Variants in VPS53 observed in about 807,000 individuals in gnomAD.
The protein encoded by VPS53 is vacuolar protein sorting-associated protein 53 homolog.
Under a neutral mutation model 107.0 loss-of-function variants are expected in VPS53, and 70 were observed. The ratio of observed to expected loss-of-function variants is 0.65; its 90% CI spans 0.54 to 0.80. The LOEUF is 0.80. VPS53 is among the 30% of genes least tolerant of loss of function. The pLI is 0.00. For synonymous variants in VPS53, 409 were observed against 393.3 expected (o/e 1.04, Z -0.47); for missense variants, 917 against 1,049.4 (o/e 0.87, Z 1.74).
intron 12 of VPS53, among the ~76,000 whole-genome samples, chr17:588,072 C>G (rs1351358127): frequency 6.6e-6 from 1 of 152,226 alleles, no homozygotes; most frequent in Non-Finnish European, 1.5e-5. Context: ...AATCCCAGCA[C>G]TTTGGGAGGC....
intron 19 of VPS53, among the ~76,000 whole-genome samples, chr17:525,166 A>G (rs1052047854): frequency 6.6e-5 from 10 of 152,264 alleles, no homozygotes; most frequent in Non-Finnish European, 1.5e-5. Flanking sequence ...TTGGGCAAAA[A>G]AAAGCAAGTG....
intron 15 of VPS53, among the ~76,000 whole-genome samples, chr17:555,404 G>A (rs1212231080): frequency 3.9e-5 from 6 of 152,168 alleles, no homozygotes; most frequent in South Asian, 2.1e-4. Context: ...GCCACATGTT[G>A]GCCATGCTGG....
At position 537,517 on chromosome 17, in the gene VPS53, C is replaced by G. The variant is rs537718481; in HGVS notation, c.1867-341G>C. 19 of 193,260 alleles carry G rather than the reference C, an allele frequency of 9.8e-5. No individual in the cohort carries two copies. The South Asian group carries it at 1.8e-3, about 18-fold the overall frequency. 12.0% of individuals were successfully genotyped at this position (193,260 alleles called of 1,614,324 possible). A position where few individuals can be genotyped will look rare whatever the true frequency, so the allele number is the denominator to read the frequency against. ...AGTGCCCCACAGCAGGGGACTGCAG[C>G]AGAACGGGGAGGGACACCGACTCCC... is the stretch of plus-strand genomic sequence containing the variant. On this transcript the variant is annotated intron_variant, in intron 17 of 21. Transcript: ENST00000437048.
At position 605,311 on chromosome 17, in the gene VPS53, C is replaced by T. The variant is rs77193302; in HGVS notation, c.1117-3415G>A. On this transcript the variant is annotated intron_variant, in intron 11 of 21. Coordinates refer to ENST00000437048, the MANE Select transcript of VPS53 (RefSeq NM_001128159.3). ...ATGAGGGTGGGAAAGTGCTTCTACA[C>T]ACAGGGTCATCAGAAAAGGTCTCTG... Among the ~76,000 whole-genome samples, 26 of 152,272 alleles carry T rather than the reference C, an allele frequency of 1.7e-4. No individual in the cohort carries two copies. In the East Asian group the frequency reaches 3.9e-3, roughly 23 times the overall value.
At chr17:650,901 GA>G (rs750267955) in intron 7 of VPS53, among the ~76,000 whole-genome samples, 1 of 151,666 alleles carries the variant, frequency 6.6e-6, no homozygotes, top group Non-Finnish European at 1.5e-5. Flanking sequence ...ATACTGATGA[GA>G]AAAAAAATAT....
chr17:702,315 C>T (rs1276937147), intron 2 of VPS53, among the ~76,000 whole-genome samples: 2 of 151,912 alleles, frequency 1.3e-5, no homozygotes, highest in Non-Finnish European at 2.9e-5. Context: ...GATGGAGCCA[C>T]TGAACTGTAG....
chr17:698,373 C>T (rs1253904263), intron 3 of VPS53, among the ~76,000 whole-genome samples: 1 of 148,176 alleles, frequency 6.7e-6, no homozygotes, highest in Non-Finnish European at 1.5e-5. Context: ...GTGGAGATTA[C>T]AGTAAGCCAA....
chr17:517,404 G>C lies in VPS53; in HGVS notation c.*1724C>G. The stretch of plus-strand genomic sequence containing the variant: ...GCAGAGAGGGCAGGGGCACAGAGCA[G>C]TGGTTATGTTGGGAAACAAGGTGGG... On this transcript the variant is annotated 3_prime_UTR_variant, in exon 22 of 22. Transcript: ENST00000437048. 2.5e-6 allele frequency: 1 copy of C among 399,802 alleles called. No individual in the cohort carries two copies. The allele number at this position is 399,802 out of a possible 1,614,324, so 24.8% of individuals were successfully genotyped here. A position where few individuals can be genotyped will look rare whatever the true frequency, so the allele number is the denominator to read the frequency against.
rs565755099 is a variant in VPS53 at position 519,679 on chromosome 17, G to A, written c.2328+147C>T. 31 of 685,898 alleles carry A rather than the reference G, an allele frequency of 4.5e-5. No homozygotes were observed. In the East Asian group the frequency reaches 8.2e-4, roughly 18 times the overall value. The allele number at this position is 685,898 out of a possible 1,614,324, so 42.5% of individuals were successfully genotyped here. On this transcript the variant is annotated intron_variant, in intron 21 of 21. Transcript: ENST00000437048. The surrounding 1 kb of genome is among the most constrained non-coding windows in gnomAD (Gnocchi z 5.0). ...ACGTGCCCGGGGCCATCCTCCTCCA[G>A]AGGCTTCTCTGAATCCGGTTTGCTC...
chr17:573,736 A>G (rs1227961447), intron 13 of VPS53, among the ~76,000 whole-genome samples: 1 of 152,210 alleles, frequency 6.6e-6, no homozygotes, highest in South Asian at 2.1e-4. Context: ...GTCCCAGCCT[A>G]GCAAGCGCGA....
chr17:565,451 T>C (rs1297500128), intron 13 of VPS53, among the ~76,000 whole-genome samples: 1 of 151,342 alleles, frequency 6.6e-6, no homozygotes, highest in Non-Finnish European at 1.5e-5. Flanking sequence ...AGAAAGTCTA[T>C]TATATCCAGA....
At chr17:693,748 A>G (rs935263905) in intron 4 of VPS53, among the ~76,000 whole-genome samples, 2 of 152,122 alleles carry the variant, frequency 1.3e-5, no homozygotes, top group Non-Finnish European at 2.9e-5. Flanking sequence ...AATAAATACA[A>G]ATTTAAAAGC....
chr17:617,826 C>T (rs1470788335), intron 11 of VPS53, among the ~76,000 whole-genome samples: 7 of 101,794 alleles, frequency 6.9e-5, no homozygotes, highest in African/African-American at 8.0e-5. Context: ...TAATATTTCC[C>T]GGGTAGCTGG....
At chr17:623,720 C>A in intron 10 of VPS53, 46 bp from the exon 11 acceptor site, 1 of 1,567,126 alleles carries the variant, frequency 6.4e-7, no homozygotes. Context: ...GCTGATCATT[C>A]ATTCAGTAGA....
chr17:611,840 G>A (rs1968892071), intron 11 of VPS53, among the ~76,000 whole-genome samples: 2 of 151,460 alleles, frequency 1.3e-5, no homozygotes, highest in South Asian at 4.2e-4. Flanking sequence ...TTCACACAGT[G>A]AAAACCTGTA....
Position 588,773 on chromosome 17 carries a change from G to A in VPS53, c.1219-2409C>T, listed in dbSNP as rs560271453. 5.9e-5 allele frequency among the ~76,000 whole-genome samples: 9 copies of A among 152,286 alleles called. No homozygotes were observed. In the South Asian group the frequency reaches 1.5e-3, roughly 25 times the overall value. ...CTGGCTGATTGAGCTTGAATCTGCC[G>A]GATCTAGAATTCCACTTGAGTGCAC... On this transcript the variant is annotated intron_variant, in intron 12 of 21. Transcript: ENST00000437048.
chr17:555,747 G>A (rs181845253), intron 15 of VPS53, among the ~76,000 whole-genome samples: 85 of 152,280 alleles, frequency 5.6e-4, no homozygotes, highest in African/African-American at 1.9e-3. Flanking sequence ...GATGACAGAC[G>A]TACAAAACAT....
intron 10 of VPS53, 25 bp downstream of exon 10, chr17:627,149 G>C: frequency 6.2e-7 from 1 of 1,605,122 alleles, no homozygotes; most frequent in Non-Finnish European, 8.5e-7. Flanking sequence ...ATTAACCACA[G>C]AACCAGTAGA....
At chr17:664,113 C>A (rs1354462573) in intron 4 of VPS53, among the ~76,000 whole-genome samples, 1 of 151,990 alleles carries the variant, frequency 6.6e-6, no homozygotes, top group Admixed American at 6.6e-5. Context: ...GAGTCTCACT[C>A]TGTTGCCCAG....
Sources: allele counts gnomAD v4.1 joint callset (sites outside exome capture counted in the v4.1 genomes callset), GRCh38; gene constraint gnomAD v4.1.1; non-coding constraint Gnocchi (gnomAD v3.1); transcripts MANE v1.5; gene names NCBI Gene and HGNC (gene_info 2026-07-23, HGNC 2026-07-21).